Variants in CWC22 observed in about 807,000 individuals in gnomAD.
The protein encoded by CWC22 is CWC22 spliceosome associated protein.
CWC22 carries 53 observed loss-of-function variants against 117.2 expected under a neutral mutation model. That is an observed-to-expected ratio of 0.45 (90% CI 0.36 to 0.57). The LOEUF is 0.57. Among genes scored for constraint, CWC22 ranks in the 20% least tolerant of loss-of-function variants. CWC22 has a pLI of 0.00. For missense variants in CWC22, 980 were observed against 1,068.8 expected (o/e 0.92, Z 1.16); for synonymous variants, 360 against 355.6 (o/e 1.01, Z -0.14).
chr2:179,967,402 T>A (rs755745421), intron 11 of CWC22, among the ~76,000 whole-genome samples: 1 of 152,226 alleles, frequency 6.6e-6, no homozygotes, highest in Non-Finnish European at 1.5e-5. Flanking sequence ...AAGCATGGTC[T>A]AGGAGTCCAT....
intron 1 of CWC22, among the ~76,000 whole-genome samples, chr2:179,999,489 A>C (rs1341260944): frequency 6.6e-6 from 1 of 152,198 alleles, no homozygotes; most frequent in African/African-American, 2.4e-5. Flanking sequence ...CAAAATATTT[A>C]ATAACATATA....
intron 6 of CWC22, among the ~76,000 whole-genome samples, chr2:179,977,034 C>T (rs922653047): frequency 4.5e-4 from 69 of 152,094 alleles, no homozygotes; most frequent in African/African-American, 1.6e-3. Context: ...TGAGTGCTTG[C>T]GGTCCCAGCT....
rs564734234 is a variant in CWC22, at chr2:179,978,073, T to G, written c.581+117A>C. On this transcript the variant is annotated intron_variant, in intron 6 of 19. Transcript: ENST00000410053. ...TAAGTCCTGCATTTTAAATAAATATTCTCAATGACCTTTGAAATGAAGTAG... is the reference window on the plus strand; with the variant it reads ...TAAGTCCTGCATTTTAAATAAATATGCTCAATGACCTTTGAAATGAAGTAG... 8 of 1,158,252 alleles carry G rather than the reference T, an allele frequency of 6.9e-6. No individual in the cohort carries two copies. In the African/African-American group the frequency reaches 1.3e-4, roughly 19 times the overall value. 71.7% of individuals were successfully genotyped at this position (1,158,252 alleles called of 1,614,324 possible). A position where few individuals can be genotyped will look rare whatever the true frequency, so the allele number is the denominator to read the frequency against.
In CWC22 at chr2:179,954,931, T is replaced by C. The variant is rs768138839; in HGVS notation, c.1536+26A>G. On this transcript the variant is annotated intron_variant, in intron 15 of 19. Coordinates refer to ENST00000410053, the MANE Select transcript of CWC22 (RefSeq NM_020943.3). The stretch of plus-strand genomic sequence containing the variant: ...TAATTTACAATATTCGTTTTAAGAA[T>C]TCCCTCAGTAGAGGCTGGAACTCAC... 1.1e-5 allele frequency: 14 copies of C among 1,320,570 alleles called. No homozygotes were observed. In the East Asian group the frequency reaches 3.1e-4, roughly 29 times the overall value. The allele number at this position is 1,320,570 out of a possible 1,614,324, so 81.8% of individuals were successfully genotyped here.
At position 179,945,530 on chromosome 2, in the gene CWC22, T is replaced by A. The variant is rs760059247; in HGVS notation, c.2326A>T (p.Asn776Tyr). Reference sequence around the variant, plus strand: ...TACTTTGTTATAGGATCTCTCCAATTTGAACCACTTGAATTTTGATCTCTG... The same window carrying A: ...TACTTTGTTATAGGATCTCTCCAATATGAACCACTTGAATTTTGATCTCTG... Reference protein sequence around the residue: ...KHRDQNSSGSNWRDPITKYTS... With the variant: ...KHRDQNSSGSYWRDPITKYTS... Residue 776 changes from asparagine to tyrosine, a missense_variant, in exon 20 of 20, where the codon AAT (asparagine) becomes TAT (tyrosine). Around this residue, in one of 3 missense-constraint regions of CWC22, gnomAD observed 306 missense variants for 296.8 expected, o/e 1.03. Coordinates refer to ENST00000410053, the MANE Select transcript of CWC22 (RefSeq NM_020943.3). 6.2e-7 allele frequency: 1 copy of A among 1,613,328 alleles called. No homozygotes were observed. The highest frequency in any genetic ancestry group is 1.7e-5 in the Admixed American group (1 of 60,004).
intron 4 of CWC22, among the ~76,000 whole-genome samples, chr2:179,984,856 C>T (rs1037365114): frequency 1.3e-5 from 2 of 152,050 alleles, no homozygotes; most frequent in African/African-American, 4.8e-5. Flanking sequence ...CGTTGTTCAA[C>T]AATAGTTTAC....
chr2:179,991,074 C>A (rs1037105067), intron 2 of CWC22, among the ~76,000 whole-genome samples: 8 of 152,118 alleles, frequency 5.3e-5, no homozygotes, highest in African/African-American at 1.7e-4. Flanking sequence ...GTCAGAATTA[C>A]CTTTTAAAAT....
chr2:179,976,463 A>G (rs965598387), intron 6 of CWC22, among the ~76,000 whole-genome samples: 4 of 151,514 alleles, frequency 2.6e-5, no homozygotes, highest in Non-Finnish European at 5.9e-5. Flanking sequence ...AAATATCAAC[A>G]GAGTGAAGAG....
intron 17 of CWC22, among the ~76,000 whole-genome samples, chr2:179,951,660 G>A (rs1686451076): frequency 6.6e-6 from 1 of 152,106 alleles, no homozygotes; most frequent in Non-Finnish European, 1.5e-5. Context: ...GGCAGTGTTG[G>A]TATGGCTGGA....
intron 11 of CWC22, among the ~76,000 whole-genome samples, chr2:179,966,978 C>T (rs115968403): frequency 1.3e-5 from 2 of 152,204 alleles, no homozygotes; most frequent in Non-Finnish European, 2.9e-5. Flanking sequence ...CAGCCCTTAT[C>T]TGACATATAA....
At chr2:179,960,465 T>C (rs910926326) in intron 13 of CWC22, among the ~76,000 whole-genome samples, 3 of 151,964 alleles carry the variant, frequency 2.0e-5, no homozygotes, top group African/African-American at 7.2e-5. Context: ...GTTAATACTT[T>C]AAAAAAATAA....
intron 5 of CWC22, 122 bp from the exon 6 acceptor site, chr2:179,978,440 G>T: frequency 9.3e-7 from 1 of 1,077,368 alleles, no homozygotes; most frequent in Non-Finnish European, 1.2e-6. Context: ...CGACCCCCAA[G>T]TACAGTAAAA....
chr2:179,981,692 A>G, intron 5 of CWC22, 60 bp downstream of exon 5: 1 of 1,429,740 alleles, frequency 7.0e-7, no homozygotes, highest in Non-Finnish European at 9.7e-7. Context: ...ATTAAACCAC[A>G]GTTGACTTAT....
At chr2:179,961,866 C>A (rs967543643) in intron 13 of CWC22, among the ~76,000 whole-genome samples, 2 of 151,888 alleles carry the variant, frequency 1.3e-5, no homozygotes, top group Non-Finnish European at 2.9e-5. Flanking sequence ...GGTTGCTAAA[C>A]CAAATGAGTT....
intron 3 of CWC22, among the ~76,000 whole-genome samples, chr2:179,987,184 G>C (rs1373806641): frequency 6.6e-6 from 1 of 152,158 alleles, no homozygotes; most frequent in Non-Finnish European, 1.5e-5. Flanking sequence ...ATGAGACCAA[G>C]GTCATTGGCT....
chr2:179,967,948 T>C (rs6727890), intron 11 of CWC22, among the ~76,000 whole-genome samples: 136,156 of 152,204 alleles, frequency 0.89, 60,939 homozygotes, highest in East Asian at 1. Flanking sequence ...ATATCTGCGA[T>C]GATGAAAACA....
intron 8 of CWC22, among the ~76,000 whole-genome samples, chr2:179,971,776 C>G (rs551448421): frequency 3.9e-5 from 6 of 152,316 alleles, no homozygotes; most frequent in Admixed American, 3.9e-4. Flanking sequence ...AAACACCATA[C>G]ATATGCCTTT....
In CWC22 at chr2:179,973,296, T is replaced by C. The variant is rs942279016; in HGVS notation, c.751-50A>G. ...ACCTATAAACTAAACCCAATTTTCA[T>C]TTATTTACATAATCTATGGCCTACT... On this transcript the variant is annotated intron_variant, in intron 7 of 19. Transcript: ENST00000410053. 3.8e-6 allele frequency: 5 copies of C among 1,318,046 alleles called. No individual in the cohort carries two copies. The Admixed American group carries it at 5.9e-5, about 15-fold the overall frequency. 81.6% of individuals were successfully genotyped at this position (1,318,046 alleles called of 1,614,324 possible).
At chr2:179,998,357 T>G (rs17779927) in intron 1 of CWC22, among the ~76,000 whole-genome samples, 2,368 of 152,262 alleles carry the variant, frequency 0.016, 33 homozygotes, top group South Asian at 0.037. Context: ...TTATAATCAC[T>G]TATACAATCT....
Sources: allele counts gnomAD v4.1 joint callset (sites outside exome capture counted in the v4.1 genomes callset), GRCh38; gene constraint gnomAD v4.1.1; regional missense constraint gnomAD v4.1.1; transcripts MANE v1.5; gene names NCBI Gene and HGNC (gene_info 2026-07-23, HGNC 2026-07-21).